NRP1: variants seen among roughly 807,000 people sequenced by gnomAD.
NRP1 encodes the protein neuropilin-1.
Under a neutral mutation model 106.7 loss-of-function variants are expected in NRP1, and 35 were observed. The observed-to-expected ratio is 0.33, with a 90% CI of 0.25 to 0.43. NRP1 has a LOEUF of 0.43. Among genes scored for constraint, NRP1 ranks in the 20% least tolerant of loss-of-function variants. The probability of loss-of-function intolerance (pLI) is 1.00; values close to 1 mark genes in which losing one functional copy is unlikely to be tolerated. For synonymous variants in NRP1, 437 were observed against 417.9 expected (o/e 1.05, Z -0.56); for missense variants, 1,024 against 1,170.4 (o/e 0.87, Z 1.83).
intron 2 of NRP1, among the ~76,000 whole-genome samples, chr10:33,314,687 G>A (rs762293288): frequency 1.3e-5 from 2 of 152,134 alleles, no homozygotes; most frequent in African/African-American, 4.8e-5. Context: ...GGAGAGGGGA[G>A]AGCCCAGGCA....
chr10:33,192,567 C>A, intron 12 of NRP1, 149 bp from the exon 13 acceptor site: 3 of 783,654 alleles, frequency 3.8e-6, no homozygotes, highest in Non-Finnish European at 5.9e-6. Context: ...CCAGGATTAC[C>A]AAGAAACCAA....
chr10:33,189,216 A>T (rs1836241227), intron 13 of NRP1, among the ~76,000 whole-genome samples: 1 of 152,100 alleles, frequency 6.6e-6, no homozygotes, highest in Non-Finnish European at 1.5e-5. Context: ...AAATGGAAGG[A>T]ATCCAATTTC....
At chr10:33,276,387 A>C (rs1023850515) in intron 2 of NRP1, among the ~76,000 whole-genome samples, 4 of 152,212 alleles carry the variant, frequency 2.6e-5, no homozygotes, top group Non-Finnish European at 5.9e-5. Context: ...AGGACCAGAA[A>C]GTTAAAGTGA....
intron 6 of NRP1, among the ~76,000 whole-genome samples, chr10:33,228,708 G>C (rs550701556): frequency 1.1e-3 from 161 of 152,262 alleles, no homozygotes; most frequent in Non-Finnish European, 1.9e-3. Context: ...ATTTCATCTG[G>C]AAAGAATGGG....
intron 6 of NRP1, among the ~76,000 whole-genome samples, chr10:33,248,431 AG>A (rs1841589002): frequency 6.6e-6 from 1 of 152,228 alleles, no homozygotes; most frequent in African/African-American, 2.4e-5. Flanking sequence ...TGTTGAACTT[AG>A]AAGAAGGGCA....
At chr10:33,287,255 T>A (rs150434294) in intron 2 of NRP1, among the ~76,000 whole-genome samples, 141 of 152,308 alleles carry the variant, frequency 9.3e-4, no homozygotes, top group African/African-American at 3.4e-3. Flanking sequence ...CAAAAATACT[T>A]TCTCATTAAT....
chr10:33,247,563 C>T (rs1309258831), intron 6 of NRP1, among the ~76,000 whole-genome samples: 2 of 152,216 alleles, frequency 1.3e-5, no homozygotes, highest in African/African-American at 4.8e-5. Flanking sequence ...CTGACAGCCT[C>T]GTCTGTGGCC....
At chr10:33,206,583 T>C (rs1458994572) in intron 10 of NRP1, among the ~76,000 whole-genome samples, 1 of 152,152 alleles carries the variant, frequency 6.6e-6, no homozygotes, top group African/African-American at 2.4e-5. Flanking sequence ...ACAAATAATT[T>C]TAAAATTGCA....
chr10:33,226,351 C>G (rs1839671477), intron 6 of NRP1, 62 bp from the exon 7 acceptor site: 1 of 1,575,610 alleles, frequency 6.3e-7, no homozygotes, highest in Non-Finnish European at 8.6e-7. Flanking sequence ...CCCAAAGCAT[C>G]TTTTCCTGTG....
chr10:33,294,948 T>TCAGGAC (rs1845280375), intron 2 of NRP1, among the ~76,000 whole-genome samples: 2 of 152,208 alleles, frequency 1.3e-5, no homozygotes, highest in Non-Finnish European at 2.9e-5. Flanking sequence ...ATGCCACCTA[T>TCAGGAC]ATACTACATC....
chr10:33,276,093 T>C (rs996186390), intron 2 of NRP1, among the ~76,000 whole-genome samples: 1 of 152,204 alleles, frequency 6.6e-6, no homozygotes, highest in Non-Finnish European at 1.5e-5. Flanking sequence ...CATTAATTGG[T>C]TATCTCTGGG....
intron 2 of NRP1, among the ~76,000 whole-genome samples, chr10:33,278,492 C>T (rs1474372727): frequency 2.0e-5 from 3 of 152,124 alleles, no homozygotes; most frequent in Non-Finnish European, 2.9e-5. Context: ...CTGCAACCAA[C>T]TTCACTGACT....
Position 33,270,758 on chromosome 10 carries a change from C to T in NRP1, c.347G>A (p.Gly116Glu). 6.2e-7 allele frequency: 1 copy of T among 1,613,760 alleles called. No homozygotes were observed. The highest frequency in any genetic ancestry group is 8.5e-7 in the Non-Finnish European group (1 of 1,179,822). Residue 116 changes from glycine to glutamate, a missense_variant, in exon 3 of 17, where the codon GGG (glycine) becomes GAG (glutamate). By Grantham distance (98) the Gly-to-Glu change is moderately conservative. Around this residue, in one of 5 missense-constraint regions of NRP1, gnomAD observed 279 missense variants for 327.4 expected, o/e 0.85. Transcript: ENST00000374867. ...GACAAATTTGATAAAAAGAAATGGCCCTGAAGACACAACAGGAGGAGGGGC... is the reference window on the plus strand; with the variant it reads ...GACAAATTTGATAAAAAGAAATGGCTCTGAAGACACAACAGGAGGAGGGGC... ...KIAPPPVVSS[G>E]PFLFIKFVSD...
At chr10:33,215,577 G>A (rs1325058886) in intron 8 of NRP1, among the ~76,000 whole-genome samples, 1 of 152,158 alleles carries the variant, frequency 6.6e-6, no homozygotes, top group African/African-American at 2.4e-5. Flanking sequence ...TCAAGAACAT[G>A]TGCAAGAATG....
At chr10:33,237,499 A>C (rs1200015794) in intron 6 of NRP1, among the ~76,000 whole-genome samples, 7 of 150,544 alleles carry the variant, frequency 4.6e-5, no homozygotes, top group Non-Finnish European at 3.0e-5. Flanking sequence ...ACACACACAC[A>C]CACACACACA....
chr10:33,211,553 G>A (rs1036844167), intron 9 of NRP1: 2 of 152,218 alleles, frequency 1.3e-5, no homozygotes, highest in Non-Finnish European at 1.5e-5. Flanking sequence ...GTTAAGGAAG[G>A]GAGAGATGGG....
intron 4 of NRP1, among the ~76,000 whole-genome samples, chr10:33,263,389 A>G (rs967284775): frequency 6.6e-6 from 1 of 152,248 alleles, no homozygotes; most frequent in Non-Finnish European, 1.5e-5. Context: ...TCACAAAAAT[A>G]GCTAAAAGAA....
Position 33,334,371 on chromosome 10 carries a change from C to T in NRP1, c.12G>A (p.Gly4=). 1 of 1,545,766 alleles carries T rather than the reference C, an allele frequency of 6.5e-7. No homozygotes were observed. The change falls in exon 1 of 17, where the codon GGG becomes GGA. Residue 4 remains glycine (G), a synonymous_variant. Transcript: ENST00000374867. MER[G]LPLLCAVLAL... ...CGAGCACGGCGCAGAGGAGCGGCAG[C>T]CCCCTCTCCATTCTCCCTTCTCCGG...
intron 6 of NRP1, 129 bp from the exon 7 acceptor site, chr10:33,226,418 TG>T: frequency 1.1e-6 from 1 of 907,706 alleles, no homozygotes; most frequent in Non-Finnish European, 1.7e-6. Context: ...TTCCATCGGG[TG>T]TCCACAGTCC....
Sources: gnomAD v4.1 joint callset for allele counts (sites outside exome capture counted in the v4.1 genomes callset) on GRCh38, gnomAD v4.1.1 for gene constraint, gnomAD v4.1.1 regional missense constraint, MANE v1.5 for transcripts, NCBI Gene and HGNC (gene_info 2026-07-23, HGNC 2026-07-21) for gene names.